ATRNL1: variants seen among roughly 807,000 people sequenced by gnomAD.
The protein encoded by ATRNL1 is attractin like 1.
Under a neutral mutation model 182.7 loss-of-function variants are expected in ATRNL1, and 95 were observed. The observed-to-expected ratio is 0.52, with a 90% CI of 0.44 to 0.62. The LOEUF (loss-of-function observed/expected upper bound fraction) is 0.62, where lower values mean the gene tolerates loss of function less well. Ranked by LOEUF, ATRNL1 falls within the 20% of genes least tolerant of loss-of-function variation. The probability of loss-of-function intolerance (pLI) is 0.00; values close to 1 mark genes in which losing one functional copy is unlikely to be tolerated. For synonymous variants in ATRNL1, 576 were observed against 568.3 expected (o/e 1.01, Z -0.19); for missense variants, 1,471 against 1,679.5 (o/e 0.88, Z 2.17).
chr10:115,266,150 A>G (rs1182913112), intron 11 of ATRNL1, among the ~76,000 whole-genome samples: 1 of 151,844 alleles, frequency 6.6e-6, no homozygotes, highest in African/African-American at 2.4e-5. Context: ...TATTATGTTA[A>G]TAATATTTTT....
chr10:115,325,166 G>A (rs1243506834), intron 18 of ATRNL1, among the ~76,000 whole-genome samples: 1 of 152,028 alleles, frequency 6.6e-6, no homozygotes, highest in African/African-American at 2.4e-5. Context: ...CTGTTTGTGT[G>A]TCCATAAATG....
intron 8 of ATRNL1, among the ~76,000 whole-genome samples, chr10:115,184,230 G>A (rs1554888342): frequency 6.6e-6 from 1 of 151,380 alleles, no homozygotes; most frequent in Non-Finnish European, 1.5e-5. Flanking sequence ...GATGGCTACT[G>A]TATGAACATA....
At chr10:115,164,306 T>A (rs1846936826) in intron 6 of ATRNL1, among the ~76,000 whole-genome samples, 1 of 152,168 alleles carries the variant, frequency 6.6e-6, no homozygotes, top group Admixed American at 6.5e-5. Context: ...TAAAAAATTA[T>A]CAGTAAACAA....
chr10:115,396,784 A>G (rs1844311585), intron 20 of ATRNL1, among the ~76,000 whole-genome samples: 1 of 151,946 alleles, frequency 6.6e-6, no homozygotes, highest in South Asian at 2.1e-4. Context: ...TTGCAGTAAC[A>G]TATTTTTGTT....
At chr10:115,810,893 G>A (rs966723143) in intron 27 of ATRNL1, among the ~76,000 whole-genome samples, 5 of 151,700 alleles carry the variant, frequency 3.3e-5, no homozygotes, top group Admixed American at 1.3e-4. Flanking sequence ...TTCTTGGTCT[G>A]TCTGGCTAGA....
At chr10:115,616,884 C>G (rs1555020964) in intron 26 of ATRNL1, among the ~76,000 whole-genome samples, 8 of 152,210 alleles carry the variant, frequency 5.3e-5, no homozygotes, top group Admixed American at 3.9e-4. Flanking sequence ...CAGGTTAGAG[C>G]CCTCATGTAG....
intron 27 of ATRNL1, among the ~76,000 whole-genome samples, chr10:115,785,136 C>T (rs1026913214): frequency 5.9e-5 from 9 of 152,176 alleles, no homozygotes; most frequent in Admixed American, 2.6e-4. Flanking sequence ...CCCTCTCCAT[C>T]GGTGGATATG....
chr10:115,758,296 G>A (rs1159177487), intron 27 of ATRNL1, among the ~76,000 whole-genome samples: 1 of 151,942 alleles, frequency 6.6e-6, no homozygotes, highest in Non-Finnish European at 1.5e-5. Flanking sequence ...CATCTTCATG[G>A]ATTTTTCTAC....
At chr10:115,370,664 A>G (rs1303468890) in intron 19 of ATRNL1, among the ~76,000 whole-genome samples, 2 of 152,220 alleles carry the variant, frequency 1.3e-5, no homozygotes, top group African/African-American at 2.4e-5. Context: ...CTTGGGTGCT[A>G]TTAAAGGCAT....
chr10:115,762,147 C>T (rs1555073778), intron 27 of ATRNL1, among the ~76,000 whole-genome samples: 1 of 152,142 alleles, frequency 6.6e-6, no homozygotes, highest in African/African-American at 2.4e-5. Context: ...AAGTAGCTGG[C>T]ATGCCCCAGC....
chr10:115,282,507 G>A (rs1047546384), intron 14 of ATRNL1, among the ~76,000 whole-genome samples: 5 of 150,932 alleles, frequency 3.3e-5, no homozygotes, highest in African/African-American at 1.2e-4. Context: ...ATGAGAATCC[G>A]AATTTTATAA....
At chr10:115,144,259 T>G (rs1845876986) in intron 5 of ATRNL1, among the ~76,000 whole-genome samples, 1 of 152,118 alleles carries the variant, frequency 6.6e-6, no homozygotes, top group Admixed American at 6.5e-5. Context: ...GCTATTCTCC[T>G]GCCTCAGCCT....
At chr10:115,200,163 A>G (rs550424794) in intron 8 of ATRNL1, among the ~76,000 whole-genome samples, 6 of 152,080 alleles carry the variant, frequency 3.9e-5, no homozygotes, top group African/African-American at 1.4e-4. Context: ...GAATTTAGAT[A>G]CTACCAACAA....
At chr10:115,267,543 T>C (rs983734628) in intron 12 of ATRNL1, among the ~76,000 whole-genome samples, 8 of 151,970 alleles carry the variant, frequency 5.3e-5, no homozygotes, top group Non-Finnish European at 1.0e-4. Context: ...TTTGGATAAA[T>C]ATTGTTTAGT....
chr10:115,229,910 A>T (rs1454756498), intron 9 of ATRNL1, among the ~76,000 whole-genome samples: 1 of 152,186 alleles, frequency 6.6e-6, no homozygotes, highest in East Asian at 1.9e-4. Context: ...TAATAAAATG[A>T]ATTCCCTGCC....
intron 26 of ATRNL1, among the ~76,000 whole-genome samples, chr10:115,560,166 A>AACTT (rs1187188236): frequency 6.6e-6 from 1 of 152,198 alleles, no homozygotes; most frequent in Admixed American, 6.5e-5. Flanking sequence ...CACAGGAACA[A>AACTT]ACTTAACAAA....
intron 19 of ATRNL1, among the ~76,000 whole-genome samples, chr10:115,379,698 T>G (rs1469312665): frequency 6.6e-6 from 1 of 152,236 alleles, no homozygotes; most frequent in Admixed American, 6.5e-5. Context: ...CAGTTTCCTT[T>G]ATTCCCTGCA....
chr10:115,652,791 T>C (rs1402112566), intron 26 of ATRNL1, among the ~76,000 whole-genome samples: 3 of 152,102 alleles, frequency 2.0e-5, no homozygotes, highest in Non-Finnish European at 2.9e-5. Context: ...ATTTAAATTT[T>C]ACTTGGATAA....
chr10:115,152,790 G>T (rs1469239790), intron 5 of ATRNL1, among the ~76,000 whole-genome samples: 2 of 152,108 alleles, frequency 1.3e-5, no homozygotes, highest in African/African-American at 2.4e-5. Context: ...CCTGTCTTGT[G>T]CCCGTTTTCA....
Sources: allele counts gnomAD v4.1 joint callset (sites outside exome capture counted in the v4.1 genomes callset), GRCh38; gene constraint gnomAD v4.1.1; transcripts MANE v1.5; gene names NCBI Gene and HGNC (gene_info 2026-07-23, HGNC 2026-07-21).